Variants in SLC8A1 observed in about 807,000 individuals in gnomAD.
The protein encoded by SLC8A1 is sodium/calcium exchanger 1.
In SLC8A1, 18 loss-of-function variants were observed where a neutral mutation model predicts 68.3. The ratio of observed to expected loss-of-function variants is 0.26; its 90% CI spans 0.18 to 0.39. The LOEUF (loss-of-function observed/expected upper bound fraction) is 0.39, where lower values mean the gene tolerates loss of function less well. Among genes scored for constraint, SLC8A1 ranks in the 10% least tolerant of loss-of-function variants. The pLI is 1.00. For synonymous variants in SLC8A1, 475 were observed against 415.5 expected (o/e 1.14, Z -1.74); for missense variants, 985 against 1,156.7 (o/e 0.85, Z 2.15).
At chr2:40,158,992 T>C (rs1453541064) in intron 6 of SLC8A1, among the ~76,000 whole-genome samples, 1 of 152,158 alleles carries the variant, frequency 6.6e-6, no homozygotes, top group Non-Finnish European at 1.5e-5. Context: ...CCTTTTCTAT[T>C]GCTATAGACT....
intron 2 of SLC8A1, among the ~76,000 whole-genome samples, chr2:40,414,118 C>T (rs911453556): frequency 2.6e-5 from 4 of 152,174 alleles, no homozygotes; most frequent in South Asian, 4.1e-4. Flanking sequence ...GTTGCTCATG[C>T]TCTTCAAGCA....
At chr2:40,427,699 G>A (rs952191994) in intron 2 of SLC8A1, among the ~76,000 whole-genome samples, 9 of 152,094 alleles carry the variant, frequency 5.9e-5, no homozygotes, top group Non-Finnish European at 1.3e-4. Flanking sequence ...AAAGTACCAC[G>A]AGGAAGAATA....
intron 1 of SLC8A1, 21 bp from the exon 2 acceptor site, chr2:40,430,325 G>A: frequency 6.5e-7 from 1 of 1,547,248 alleles, no homozygotes; most frequent in Non-Finnish European, 8.7e-7. Flanking sequence ...TAAGATGGGG[G>A]AGAGGGCAGA....
intron 2 of SLC8A1, among the ~76,000 whole-genome samples, chr2:40,341,269 G>C (rs1202594724): frequency 6.6e-6 from 1 of 152,142 alleles, no homozygotes. Flanking sequence ...GCACTAATGA[G>C]TATTTTCAAA....
intron 1 of SLC8A1, among the ~76,000 whole-genome samples, chr2:40,450,814 A>G (rs1470771829): frequency 1.3e-5 from 2 of 152,244 alleles, no homozygotes; most frequent in East Asian, 1.9e-4. Context: ...TGACTTTCCA[A>G]TGACTGCGTA....
intron 2 of SLC8A1, among the ~76,000 whole-genome samples, chr2:40,282,086 G>C (rs895424695): frequency 2.6e-5 from 4 of 152,076 alleles, no homozygotes; most frequent in African/African-American, 9.7e-5. Flanking sequence ...ATCAAATTGT[G>C]TCCTCTCCTT....
At chr2:40,358,514 G>T (rs936543895) in intron 2 of SLC8A1, among the ~76,000 whole-genome samples, 1 of 152,184 alleles carries the variant, frequency 6.6e-6, no homozygotes, top group Non-Finnish European at 1.5e-5. Context: ...TTTGGAGTAA[G>T]AACATCTTAA....
chr2:40,246,056 A>G (rs1439247890), intron 2 of SLC8A1, among the ~76,000 whole-genome samples: 1 of 152,232 alleles, frequency 6.6e-6, no homozygotes, highest in African/African-American at 2.4e-5. Context: ...TAGCTTCTCA[A>G]TTAACCTCTC....
At chr2:40,227,761 T>G (rs1378472832) in intron 2 of SLC8A1, among the ~76,000 whole-genome samples, 2 of 152,120 alleles carry the variant, frequency 1.3e-5, no homozygotes, top group African/African-American at 2.4e-5. Flanking sequence ...TTAGGGGTTC[T>G]GCCTTTTTGT....
intron 2 of SLC8A1, among the ~76,000 whole-genome samples, chr2:40,395,936 C>T (rs1686764415): frequency 6.6e-6 from 1 of 151,976 alleles, no homozygotes; most frequent in Non-Finnish European, 1.5e-5. Context: ...TTACATAGAC[C>T]CTTATAACTG....
intron 1 of SLC8A1, among the ~76,000 whole-genome samples, chr2:40,438,219 C>A (rs975077880): frequency 6.6e-6 from 1 of 152,104 alleles, no homozygotes; most frequent in African/African-American, 2.4e-5. Context: ...TAATTGTTCA[C>A]CACTAACCCT....
At chr2:40,445,994 T>C (rs1701373011) in intron 1 of SLC8A1, among the ~76,000 whole-genome samples, 1 of 152,138 alleles carries the variant, frequency 6.6e-6, no homozygotes, top group African/African-American at 2.4e-5. Flanking sequence ...ATGCTATTCA[T>C]GGAGCACAGC....
intron 1 of SLC8A1, among the ~76,000 whole-genome samples, chr2:40,483,738 T>C (rs986395637): frequency 6.6e-6 from 1 of 152,208 alleles, no homozygotes; most frequent in African/African-American, 2.4e-5. Context: ...TTTGCTTATT[T>C]CTCTTCCCTC....
At chr2:40,253,311 T>C (rs1232933281) in intron 2 of SLC8A1, among the ~76,000 whole-genome samples, 2 of 149,938 alleles carry the variant, frequency 1.3e-5, no homozygotes, top group Non-Finnish European at 3.0e-5. Context: ...TATATACACA[T>C]ATATACACAC....
intron 5 of SLC8A1, among the ~76,000 whole-genome samples, chr2:40,161,386 G>A (rs1159293309): frequency 6.6e-6 from 1 of 152,120 alleles, no homozygotes; most frequent in Non-Finnish European, 1.5e-5. Flanking sequence ...ATTTGTCTCT[G>A]GGTACTATTT....
At chr2:40,360,524 C>T (rs1311267600) in intron 2 of SLC8A1, among the ~76,000 whole-genome samples, 1 of 152,058 alleles carries the variant, frequency 6.6e-6, no homozygotes, top group East Asian at 1.9e-4. Context: ...GTACTGTGTG[C>T]CAGCCTGTTC....
At chr2:40,500,807 T>C (rs1168792957) in intron 1 of SLC8A1, among the ~76,000 whole-genome samples, 3 of 134,216 alleles carry the variant, frequency 2.2e-5, no homozygotes, top group South Asian at 4.8e-4. Flanking sequence ...TTTTTTTTTT[T>C]TTTTTTTTTT....
chr2:40,388,619 C>T (rs564482683), intron 2 of SLC8A1, among the ~76,000 whole-genome samples: 1 of 152,244 alleles, frequency 6.6e-6, no homozygotes, highest in East Asian at 1.9e-4. Flanking sequence ...TCTTGTTAAA[C>T]ACACTGGTTT....
At chr2:40,234,641 A>G (rs941163993) in intron 2 of SLC8A1, among the ~76,000 whole-genome samples, 6 of 152,164 alleles carry the variant, frequency 3.9e-5, no homozygotes, top group Non-Finnish European at 7.3e-5. Flanking sequence ...AATATGTTGA[A>G]TAGGAGTGGT....
Sources: gnomAD v4.1 joint callset for allele counts (sites outside exome capture counted in the v4.1 genomes callset) on GRCh38, gnomAD v4.1.1 for gene constraint, MANE v1.5 for transcripts, NCBI Gene and HGNC (gene_info 2026-07-23, HGNC 2026-07-21) for gene names.